DIS3L2: variants seen among roughly 807,000 people sequenced by gnomAD.
The protein encoded by DIS3L2 is DIS3 like 3'-5' exoribonuclease 2.
Under a neutral mutation model 97.5 loss-of-function variants are expected in DIS3L2, and 34 were observed. The ratio of observed to expected loss-of-function variants is 0.35; its 90% CI spans 0.27 to 0.46. The LOEUF (loss-of-function observed/expected upper bound fraction) is 0.46, where lower values mean the gene tolerates loss of function less well. Ranked by LOEUF, DIS3L2 falls within the 20% of genes least tolerant of loss-of-function variation. The pLI, the probability that DIS3L2 is intolerant of heterozygous loss-of-function variation, is 1.00. For missense variants in DIS3L2, 1,038 were observed against 1,146.0 expected (o/e 0.91, Z 1.36); for synonymous variants, 435 against 445.2 (o/e 0.98, Z 0.29).
At chr2:231,969,377 C>A (rs925240633) in intron 1 of DIS3L2, among the ~76,000 whole-genome samples, 3 of 142,122 alleles carry the variant, frequency 2.1e-5, no homozygotes, top group Non-Finnish European at 4.5e-5. Context: ...GTGGCGCAAT[C>A]TTGGCTCACT....
rs1433045270 is a variant in DIS3L2, at chr2:232,333,972, C to T, written c.2143C>T (p.Leu715=). 1.2e-6 allele frequency: 2 copies of T among 1,610,504 alleles called. No homozygotes were observed. Among genetic ancestry groups the T allele is most frequent in the Non-Finnish European group, 1.7e-6 (2 of 1,178,748 alleles). ...TGCCGACGTCCTGGTGCACCGCCTC[C>T]TGGCTGCCGCGTTAGGTGAGGGGTG... The part of the protein sequence containing the change: ...RFADVLVHRL[L]AAALGYRERL... The change falls in exon 17 of 21, where the codon CTG becomes TTG. Residue 715 remains leucine (L), a synonymous_variant. Transcript: ENST00000325385.
chr2:232,000,603 CTTTCCTTTCT>C (rs1693852942), intron 1 of DIS3L2, among the ~76,000 whole-genome samples: 1 of 144,370 alleles, frequency 6.9e-6, no homozygotes, highest in African/African-American at 2.5e-5. Flanking sequence ...TTTCCTTTTC[CTTTCCTTTCT>C]TTTCCTTTCC....
At chr2:232,101,033 T>C (rs1697189040) in intron 6 of DIS3L2, among the ~76,000 whole-genome samples, 1 of 151,846 alleles carries the variant, frequency 6.6e-6, no homozygotes, top group African/African-American at 2.4e-5. Flanking sequence ...GTCAGGAGTT[T>C]GAGACCAGCC....
At chr2:232,070,190 G>T (rs986093709) in intron 5 of DIS3L2, among the ~76,000 whole-genome samples, 2 of 152,034 alleles carry the variant, frequency 1.3e-5, no homozygotes, top group African/African-American at 4.8e-5. Context: ...AAATTCTTTC[G>T]TAGGGGCGGA....
intron 6 of DIS3L2, 96 bp from the exon 7 acceptor site, chr2:232,130,523 G>A (rs1462743160): frequency 1.4e-6 from 2 of 1,418,870 alleles, no homozygotes; most frequent in Non-Finnish European, 1.9e-6. Flanking sequence ...GGGGTAACTG[G>A]TATCCAGGCA....
intron 13 of DIS3L2, among the ~76,000 whole-genome samples, chr2:232,264,881 C>G (rs935123432): frequency 6.6e-6 from 1 of 152,204 alleles, no homozygotes; most frequent in Non-Finnish European, 1.5e-5. Flanking sequence ...AGGGTAGCCT[C>G]TGGAGTTCTC....
intron 10 of DIS3L2, among the ~76,000 whole-genome samples, chr2:232,218,075 T>G (rs536168703): frequency 4.7e-4 from 72 of 152,118 alleles, no homozygotes; most frequent in African/African-American, 1.4e-3. Context: ...AGAGAACATT[T>G]TAATGGGAAG....
At chr2:232,251,264 A>G (rs1693410805) in intron 12 of DIS3L2, among the ~76,000 whole-genome samples, 1 of 152,212 alleles carries the variant, frequency 6.6e-6, no homozygotes, top group South Asian at 2.1e-4. Context: ...ATTATCACTT[A>G]TATCTTTAGG....
downstream of DIS3L2, among the ~76,000 whole-genome samples, chr2:232,339,274 T>G (rs942586465): frequency 6.6e-6 from 1 of 152,182 alleles, no homozygotes; most frequent in Non-Finnish European, 1.5e-5. Context: ...GGAACGGGCA[T>G]GAAGCTTGGG....
intron 10 of DIS3L2, among the ~76,000 whole-genome samples, chr2:232,234,405 A>G (rs1380511875): frequency 6.6e-6 from 1 of 152,170 alleles, no homozygotes; most frequent in East Asian, 1.9e-4. Flanking sequence ...GGTGGAGTGC[A>G]GTGGTGTGAT....
intron 5 of DIS3L2, among the ~76,000 whole-genome samples, chr2:232,070,406 G>T (rs1374300476): frequency 6.6e-6 from 1 of 151,966 alleles, no homozygotes; most frequent in Non-Finnish European, 1.5e-5. Flanking sequence ...CTGTCAAATT[G>T]CCTAATGCTC....
At chr2:231,981,000 G>GT (rs1356621558) in intron 1 of DIS3L2, among the ~76,000 whole-genome samples, 2 of 152,246 alleles carry the variant, frequency 1.3e-5, no homozygotes, top group East Asian at 3.9e-4. Flanking sequence ...CTGGAGTGCA[G>GT]TGGTGCGATC....
At chr2:232,089,144 G>GAGATCA (rs1696758175) in intron 6 of DIS3L2, among the ~76,000 whole-genome samples, 3 of 152,240 alleles carry the variant, frequency 2.0e-5, no homozygotes, top group Non-Finnish European at 1.5e-5. Flanking sequence ...TGCTGAGGAG[G>GAGATCA]TAGTGATCTG....
At position 231,962,437 on chromosome 2, in the gene DIS3L2, CT is replaced by C. The variant is rs752430172; in HGVS notation, c.-94+688del. Among the ~76,000 whole-genome samples the C allele has an allele frequency of 9.6e-4, 127 of 132,028 alleles. 1 individual carries two copies. The highest frequency in any genetic ancestry group is 4.0e-3 in the Middle Eastern group (1 of 248). 86.6% of individuals were successfully genotyped at this position (132,028 alleles called of 152,430 possible). A position where few individuals can be genotyped will look rare whatever the true frequency, so the allele number is the denominator to read the frequency against. On this transcript the variant is annotated intron_variant, in intron 1 of 20. Coordinates refer to ENST00000325385, the MANE Select transcript of DIS3L2 (RefSeq NM_152383.5). ...AGTAGTCTACAGTGTCTACCGTTACCTTTTTTTTTTTTTTTTGAGACGGAGT... is the reference window on the plus strand; with the variant it reads ...AGTAGTCTACAGTGTCTACCGTTACCTTTTTTTTTTTTTTTGAGACGGAGT...
chr2:232,319,216 C>A (rs1695359887), intron 14 of DIS3L2, among the ~76,000 whole-genome samples: 1 of 152,186 alleles, frequency 6.6e-6, no homozygotes, highest in African/African-American at 2.4e-5. Flanking sequence ...ACCACACTGG[C>A]CTTCCCATGT....
chr2:232,071,965 C>CT (rs1378877504), intron 5 of DIS3L2, among the ~76,000 whole-genome samples: 1 of 152,056 alleles, frequency 6.6e-6, no homozygotes, highest in Non-Finnish European at 1.5e-5. Context: ...TTGTGGAGCT[C>CT]TAAGATTGCT....
In DIS3L2 at chr2:232,293,811, TA is replaced by T. The variant is rs1420909647; in HGVS notation, c.1660-6226del. 6.6e-6 allele frequency among the ~76,000 whole-genome samples: 1 copy of T among 152,206 alleles called. No individual in the cohort carries two copies. Among genetic ancestry groups the T allele is most frequent in the Non-Finnish European group, 1.5e-5 (1 of 68,042 alleles). Reference sequence around the variant, plus strand: ...AAAAGCAGGAAGCCGTCAAAGGTACTAAAGAGGGAAGTGTTACCAGGTTTAT... The same window carrying T: ...AAAAGCAGGAAGCCGTCAAAGGTACTAAGAGGGAAGTGTTACCAGGTTTAT... On this transcript the variant is annotated intron_variant, in intron 13 of 20. Coordinates refer to ENST00000325385, the MANE Select transcript of DIS3L2 (RefSeq NM_152383.5). The surrounding 1 kb of genome is among the most constrained non-coding windows in gnomAD (Gnocchi z 4.6).
intron 9 of DIS3L2, among the ~76,000 whole-genome samples, chr2:232,170,115 A>C (rs367763369): frequency 1.3e-5 from 2 of 152,282 alleles, no homozygotes. Flanking sequence ...GAAAAGCAAC[A>C]TAAGTACTGC....
At position 232,337,136 on chromosome 2, in the gene DIS3L2, C is replaced by T; in HGVS notation, c.*506C>T. ...ACACGATTCAGAGCTGGCTGCCTGG[C>T]AGATGATTGATACTGGAGTCTCATT... On this transcript the variant is annotated 3_prime_UTR_variant, in exon 21 of 21. Transcript: ENST00000325385. 1 of 1,008,942 alleles carries T rather than the reference C, an allele frequency of 9.9e-7. No individual in the cohort carries two copies. The highest frequency in any genetic ancestry group is 1.2e-6 in the Non-Finnish European group (1 of 846,594). The allele number at this position is 1,008,942 out of a possible 1,614,324, so 62.5% of individuals were successfully genotyped here.
Sources: gnomAD v4.1 joint callset for allele counts (sites outside exome capture counted in the v4.1 genomes callset) on GRCh38, gnomAD v4.1.1 for gene constraint, Gnocchi (gnomAD v3.1) non-coding constraint, MANE v1.5 for transcripts, NCBI Gene and HGNC (gene_info 2026-07-23, HGNC 2026-07-21) for gene names.